Variants in RNF6 observed in about 807,000 individuals in gnomAD.
The protein encoded by RNF6 is E3 ubiquitin-protein ligase RNF6.
In RNF6, 21 loss-of-function variants were observed where a neutral mutation model predicts 50.1. That is an observed-to-expected ratio of 0.42 (90% CI 0.30 to 0.60). The LOEUF is 0.60. Ranked by LOEUF, RNF6 falls within the 20% of genes least tolerant of loss-of-function variation. The probability of loss-of-function intolerance (pLI) is 0.20; values close to 1 mark genes in which losing one functional copy is unlikely to be tolerated. For missense variants in RNF6, 698 were observed against 838.2 expected, an observed-to-expected ratio of 0.83 and a Z score of 2.07; for synonymous variants, 255 against 291.8, an observed-to-expected ratio of 0.87 and a Z score of 1.29.
intron 5 of RNF6, among the ~76,000 whole-genome samples, chr13:26,193,306 A>T (rs1035501804): frequency 1.1e-4 from 17 of 149,422 alleles, no homozygotes; most frequent in African/African-American, 4.2e-4. Flanking sequence ...TTAAGAGGTT[A>T]AAAAAAAAAT....
intron 5 of RNF6, among the ~76,000 whole-genome samples, chr13:26,195,381 A>G (rs1868621407): frequency 1.3e-5 from 2 of 152,196 alleles, no homozygotes; most frequent in African/African-American, 4.8e-5. Context: ...AAAAAACCAG[A>G]ATATTCAAGG....
intron 5 of RNF6, among the ~76,000 whole-genome samples, chr13:26,153,476 T>G (rs1221982154): frequency 6.6e-6 from 1 of 152,134 alleles, no homozygotes; most frequent in Non-Finnish European, 1.5e-5. Context: ...CCTCCCAAAG[T>G]TCTGGGATTC....
At chr13:26,184,320 C>G (rs1016940583) in intron 5 of RNF6, among the ~76,000 whole-genome samples, 1 of 152,010 alleles carries the variant, frequency 6.6e-6, no homozygotes, top group African/African-American at 2.4e-5. Flanking sequence ...CGTGAGCCAC[C>G]GCGCCCGGCC....
chr13:26,218,665 T>A, intron 3 of RNF6, 59 bp from the exon 4 acceptor site: 3 of 1,324,778 alleles, frequency 2.3e-6, no homozygotes, highest in Non-Finnish European at 3.3e-6. Context: ...TGAGACCTCA[T>A]GAAGGGTAAG....
intron 5 of RNF6, among the ~76,000 whole-genome samples, chr13:26,138,619 C>T (rs1870771297): frequency 6.6e-6 from 1 of 151,918 alleles, no homozygotes; most frequent in African/African-American, 2.4e-5. Context: ...GGGGGTGAAG[C>T]TATTTTGGAG....
intron 5 of RNF6, among the ~76,000 whole-genome samples, chr13:26,153,716 C>A (rs1454167889): frequency 1.3e-5 from 2 of 152,152 alleles, no homozygotes; most frequent in Non-Finnish European, 2.9e-5. Flanking sequence ...ATTTAAACTA[C>A]TATTCGGACT....
intron 5 of RNF6, among the ~76,000 whole-genome samples, chr13:26,176,684 G>A (rs1222220771): frequency 6.6e-6 from 1 of 152,226 alleles, no homozygotes; most frequent in Non-Finnish European, 1.5e-5. Flanking sequence ...TGTCATCCCA[G>A]CACTTTGGGA....
At chr13:26,184,167 A>G (rs1873402003) in intron 5 of RNF6, among the ~76,000 whole-genome samples, 1 of 149,876 alleles carries the variant, frequency 6.7e-6, no homozygotes, top group Non-Finnish European at 1.5e-5. Context: ...AGCTGGGGCT[A>G]CAGGTGCCCG....
chr13:26,187,148 CT>C (rs145246927), intron 5 of RNF6, among the ~76,000 whole-genome samples: 25,958 of 64,744 alleles, frequency 0.4, 3,975 homozygotes, highest in African/African-American at 0.55. Context: ...CTTCCTGTTT[CT>C]GCCATCAGTG....
intron 2 of RNF6, 109 bp from the exon 3 acceptor site, chr13:26,219,776 AAATACTGTATTTGCC>A: frequency 1.0e-6 from 1 of 957,496 alleles, no homozygotes; most frequent in Non-Finnish European, 1.5e-6. Flanking sequence ...TCCCCTACCC[AAATACTGTATTTGCC>A]AAATCTTGCA....
At position 26,199,187 on chromosome 13, in the gene RNF6, A is replaced by C. The variant is rs368656780; in HGVS notation, n.768+16287T>G. On this transcript the variant is annotated intron_variant and non_coding_transcript_variant, in intron 5 of 5. Coordinates refer to the RNF6 transcript ENST00000468480. ...AGTCAAAATAGTGTAGAATGACATA[A>C]GAATGACAATAGAACAGACTAGGAA... Among the ~76,000 whole-genome samples, 123 of 152,300 alleles carry C rather than the reference A, an allele frequency of 8.1e-4. 3 individuals are homozygous for C. Among genetic ancestry groups the C allele is most frequent in the African/African-American group, 2.9e-3 (119 of 41,532 alleles).
At chr13:26,219,291 A>G (rs565485352) in intron 3 of RNF6, 166 bp downstream of exon 3, 227 of 564,514 alleles carry the variant, frequency 4.0e-4, no homozygotes, top group African/African-American at 1.8e-3. Context: ...TACAGAAGCC[A>G]GTGATTTTCT....
chr13:26,219,785 A>G (rs570300157), intron 2 of RNF6, 118 bp from the exon 3 acceptor site: 63 of 852,330 alleles, frequency 7.4e-5, no homozygotes, highest in Non-Finnish European at 1.1e-4. Context: ...CAAATACTGT[A>G]TTTGCCAAAT....
chr13:26,207,099 G>C (rs991378696), intron 5 of RNF6, among the ~76,000 whole-genome samples: 1 of 151,984 alleles, frequency 6.6e-6, no homozygotes, highest in African/African-American at 2.4e-5. Context: ...GGATAGGTTG[G>C]CCCTGGAGAG....
At chr13:26,216,812 A>T (rs1246675784) in intron 4 of RNF6, among the ~76,000 whole-genome samples, 2 of 152,096 alleles carry the variant, frequency 1.3e-5, no homozygotes, top group Non-Finnish European at 2.9e-5. Context: ...GAAATTAGCC[A>T]GGCATGGTGG....
chr13:26,204,534 G>GA (rs1279915251), intron 5 of RNF6, among the ~76,000 whole-genome samples: 7 of 144,652 alleles, frequency 4.8e-5, no homozygotes, highest in African/African-American at 1.8e-4. Context: ...GAAAGAAAAA[G>GA]AAAAAAGAAA....
At chr13:26,219,173 A>G (rs940994442) in intron 3 of RNF6, 1 of 238,642 alleles carries the variant, frequency 4.2e-6, no homozygotes, top group African/African-American at 2.2e-5. Context: ...AAAAATTACA[A>G]ATAGGACCAT....
Position 26,214,143 on chromosome 13 carries a change from G to A in RNF6, c.1739C>T (p.Thr580Ile). 6.2e-7 allele frequency: 1 copy of A among 1,614,198 alleles called. No individual in the cohort carries two copies. The highest frequency in any genetic ancestry group is 1.1e-5 in the South Asian group (1 of 91,078). ...AAGGCGAAGAATGGGTAGTGTTCCA[G>A]TTTCAACTAAATTGTTTGGATTTCG... ...QLRNPNNLVE[T>I]GTLPILRLAH... is the part of the protein sequence containing the mutation. The change falls in exon 5 of 5, where the codon ACT (threonine) becomes ATT (isoleucine). Residue 580 changes from threonine (T) to isoleucine (I), a missense_variant. Physicochemically the swap from Thr to Ile is moderately conservative, Grantham distance 89. Coordinates refer to ENST00000381588, the MANE Select transcript of RNF6 (RefSeq NM_005977.4).
chr13:26,164,012 C>T (rs916398640), intron 5 of RNF6, among the ~76,000 whole-genome samples: 1 of 152,082 alleles, frequency 6.6e-6, no homozygotes, highest in African/African-American at 2.4e-5. Flanking sequence ...AAATAGGATA[C>T]CCTAAATAAT....
Sources: allele counts gnomAD v4.1 joint callset (sites outside exome capture counted in the v4.1 genomes callset), GRCh38; gene constraint gnomAD v4.1.1; transcripts MANE v1.5; gene names NCBI Gene and HGNC (gene_info 2026-07-23, HGNC 2026-07-21).